The following TTC39A variants were observed in gnomAD, a reference collection of about 807,000 sequenced individuals.
The protein encoded by TTC39A is tetratricopeptide repeat protein 39A.
TTC39A carries 46 observed loss-of-function variants against 82.3 expected under a neutral mutation model. The observed-to-expected ratio is 0.56, with a 90% confidence interval of 0.44 to 0.71. The LOEUF (loss-of-function observed/expected upper bound fraction) is 0.71, where lower values mean the gene tolerates loss of function less well. Ranked by LOEUF, TTC39A falls within the 30% of genes least tolerant of loss-of-function variation. The pLI, the probability that TTC39A is intolerant of heterozygous loss-of-function variation, is 0.00. For missense variants in TTC39A, 543 were observed against 712.9 expected, an observed-to-expected ratio of 0.76 and a Z score of 2.71; for synonymous variants, 254 against 275.2, an observed-to-expected ratio of 0.92 and a Z score of 0.76.
chr1:51,296,290 A>C, intron 12 of TTC39A, 120 bp from the exon 13 acceptor site: 2 of 948,910 alleles, frequency 2.1e-6, no homozygotes, highest in Non-Finnish European at 3.2e-6. Flanking sequence ...TCCAAGCCCC[A>C]GGGGAGAAAT....
In TTC39A at chr1:51,330,240, G is replaced by C. The variant is rs984739394; in HGVS notation, c.41+197C>G. ...TGAGTGACCGACCCGGGGTCCCCGCGCCTCCGCCTCCTCACAGCCCCCTGC... is the reference window on the plus strand; with the variant it reads ...TGAGTGACCGACCCGGGGTCCCCGCCCCTCCGCCTCCTCACAGCCCCCTGC... On this transcript the variant is annotated intron_variant, in intron 1 of 17. Transcript: ENST00000680483. The surrounding 1 kb of genome is among the most constrained non-coding windows in gnomAD (Gnocchi z 4.5). 4.1e-6 allele frequency: 4 copies of C among 980,512 alleles called. No homozygotes were observed. The highest frequency in any genetic ancestry group is 4.8e-6 in the Non-Finnish European group (4 of 825,746). 60.7% of individuals were successfully genotyped at this position (980,512 alleles called of 1,614,324 possible). A position where few individuals can be genotyped will look rare whatever the true frequency, so the allele number is the denominator to read the frequency against.
chr1:51,290,242 C>T (rs1329835063), intron 15 of TTC39A, 123 bp from the exon 16 acceptor site: 2 of 853,494 alleles, frequency 2.3e-6, no homozygotes, highest in Non-Finnish European at 3.7e-6. Flanking sequence ...TCCCTGTCCT[C>T]AGCAGGGGTC....
In TTC39A at chr1:51,295,908, T is replaced by A; in HGVS notation, c.1145+171A>T. 9.4e-6 allele frequency: 6 copies of A among 638,448 alleles called. No individual in the cohort carries two copies. The South Asian group carries it at 1.1e-4, about 11-fold the overall frequency. 39.5% of individuals were successfully genotyped at this position (638,448 alleles called of 1,614,324 possible). On this transcript the variant is annotated intron_variant, in intron 13 of 17. Transcript: ENST00000680483. The stretch of plus-strand genomic sequence containing the variant: ...AACCACCAGCAGCAGCAGCATGGGG[T>A]GGTGATGGGAGGGGAGGACACGCAG...
intron 1 of TTC39A, among the ~76,000 whole-genome samples, chr1:51,343,723 G>T (rs893770872): frequency 6.6e-6 from 1 of 152,198 alleles, no homozygotes; most frequent in Admixed American, 6.5e-5. Flanking sequence ...GTGCTGAAAG[G>T]CTGAATGAGA....
intron 9 of TTC39A, 118 bp from the exon 10 acceptor site, chr1:51,302,691 T>G: frequency 9.2e-7 from 1 of 1,091,220 alleles, no homozygotes; most frequent in Non-Finnish European, 1.4e-6. Context: ...GAAATCGAGA[T>G]AATTCTCCCT....
intron 15 of TTC39A, 24 bp downstream of exon 15, chr1:51,290,488 AGG>A (rs1644166718): frequency 6.2e-7 from 1 of 1,602,304 alleles, no homozygotes; most frequent in Non-Finnish European, 8.5e-7. Flanking sequence ...CTAGCATGGC[AGG>A]CCCAAGGGCC....
At chr1:51,309,195 G>A (rs772474150) in intron 6 of TTC39A, 66 bp downstream of exon 6, 3 of 1,522,024 alleles carry the variant, frequency 2.0e-6, no homozygotes, top group East Asian at 2.4e-5. Flanking sequence ...AGCCGCCTGA[G>A]GGGGACAGCC....
chr1:51,289,176 C>T (rs1284801119), intron 16 of TTC39A, among the ~76,000 whole-genome samples: 7 of 152,140 alleles, frequency 4.6e-5, no homozygotes, highest in Admixed American at 1.3e-4. Flanking sequence ...ACCTAAGTCC[C>T]GACCTCCCTT....
chr1:51,344,909 T>G, intron 1 of TTC39A: 5 of 1,488,464 alleles, frequency 3.4e-6, no homozygotes, highest in Non-Finnish European at 4.5e-6. Flanking sequence ...CTCTCAGCTG[T>G]TTCCCCGACG....
At chr1:51,331,066 T>C, upstream of TTC39A, 3 of 977,082 alleles carry the variant, frequency 3.1e-6, no homozygotes, top group Admixed American at 4.0e-5. Flanking sequence ...CAGTTCACAC[T>C]GCCTTCTCAA....
chr1:51,330,206 C>A lies in TTC39A; in HGVS notation c.41+231G>T. The A allele has an allele frequency of 1.0e-6, 1 of 985,560 alleles. No homozygotes were observed. Among genetic ancestry groups the A allele is most frequent in the Non-Finnish European group, 1.2e-6 (1 of 830,086 alleles). The allele number at this position is 985,560 out of a possible 1,614,324, so 61.1% of individuals were successfully genotyped here. On this transcript the variant is annotated intron_variant, in intron 1 of 17. Transcript: ENST00000680483. The surrounding 1 kb of genome is among the most constrained non-coding windows in gnomAD (Gnocchi z 4.5). ...CTACAGCTCCGTGAGAAAGTTGGGA[C>A]CCAGAAGGTGAGTGACCGACCCGGG...
intron 1 of TTC39A, among the ~76,000 whole-genome samples, chr1:51,325,064 G>A (rs1645663034): frequency 6.6e-6 from 1 of 151,402 alleles, no homozygotes; most frequent in African/African-American, 2.4e-5. Flanking sequence ...AGACCAGCCT[G>A]ACCAACATGG....
At chr1:51,302,250 C>CG (rs762949259) in intron 11 of TTC39A, 107 bp downstream of exon 11, 4 of 580,794 alleles carry the variant, frequency 6.9e-6, no homozygotes, top group Non-Finnish European at 1.3e-5. Flanking sequence ...GCCCCCCCCC[C>CG]GCCCCCAGTC....
intron 13 of TTC39A, 56 bp downstream of exon 13, chr1:51,296,023 T>C (rs1290184194): frequency 1.9e-6 from 3 of 1,539,780 alleles, no homozygotes; most frequent in Admixed American, 2.0e-5. Flanking sequence ...GGTCTGTCCA[T>C]AGCGGCCTAC....
At chr1:51,339,638 G>C (rs1646012053) in intron 1 of TTC39A, among the ~76,000 whole-genome samples, 1 of 152,110 alleles carries the variant, frequency 6.6e-6, no homozygotes, top group Non-Finnish European at 1.5e-5. Flanking sequence ...AAAAGTTATA[G>C]CCTGGCCAGG....
At chr1:51,331,262 T>C (rs1454141807), upstream of TTC39A, 1 of 1,547,452 alleles carries the variant, frequency 6.5e-7, no homozygotes, top group South Asian at 1.2e-5. Flanking sequence ...AGTGCCTGTG[T>C]GGGGGTCACC....
At chr1:51,309,454 A>G in intron 5 of TTC39A, 129 bp from the exon 6 acceptor site, 1 of 1,527,448 alleles carries the variant, frequency 6.5e-7, no homozygotes, top group Non-Finnish European at 8.8e-7. Context: ...GTCGGAGGTC[A>G]GCCAAACCAG....
Position 51,315,237 on chromosome 1 carries a change from T to C in TTC39A, c.147-2294A>G, listed in dbSNP as rs556366275. Among the ~76,000 whole-genome samples the C allele has an allele frequency of 2.6e-5, 4 of 152,316 alleles. No homozygotes were observed. The South Asian group carries it at 8.3e-4, about 32-fold the overall frequency. On this transcript the variant is annotated intron_variant, in intron 2 of 17. Coordinates refer to ENST00000680483, the MANE Select transcript of TTC39A (RefSeq NM_001297663.2). The stretch of plus-strand genomic sequence containing the variant: ...GGCCCAAGGCCCCAACAGGCACCTG[T>C]GGCTAAGAATACTAGCCCCTCCCCA...
At position 51,296,110 on chromosome 1, in the gene TTC39A, G is replaced by A; in HGVS notation, c.1114C>T (p.Pro372Ser). 6.3e-7 allele frequency: 1 copy of A among 1,599,040 alleles called. No homozygotes were observed. The highest frequency in any genetic ancestry group is 8.5e-7 in the Non-Finnish European group (1 of 1,172,782). Residue 372 changes from proline to serine, a missense_variant, in exon 13 of 18, where the codon CCG (proline) becomes TCG (serine). Coordinates refer to ENST00000680483, the MANE Select transcript of TTC39A (RefSeq NM_001297663.2). ...LSMFGKEDHKPFGDDEVELFR... is the reference protein window; with the variant it reads ...LSMFGKEDHKSFGDDEVELFR... ...AATTCCACTTCGTCGTCCCCGAACG[G>A]CTTGTGGTCCTCCTTCCCAAACATG...
Sources: gnomAD v4.1 joint callset for allele counts (sites outside exome capture counted in the v4.1 genomes callset) on GRCh38, gnomAD v4.1.1 for gene constraint, Gnocchi (gnomAD v3.1) non-coding constraint, MANE v1.5 for transcripts, NCBI Gene and HGNC (gene_info 2026-07-23, HGNC 2026-07-21) for gene names.